Variants in STK10 observed in about 807,000 individuals in gnomAD.
STK10 encodes serine/threonine kinase 10.
In STK10, 78 loss-of-function variants were observed where a neutral mutation model predicts 113.8. That is an observed-to-expected ratio of 0.69 (90% CI 0.57 to 0.83). The LOEUF is 0.83. STK10 is among the 40% of genes least tolerant of loss of function. The pLI is 0.00. For missense variants in STK10, 1,109 were observed against 1,280.1 expected, an observed-to-expected ratio of 0.87 and a Z score of 2.04; for synonymous variants, 465 against 494.7, an observed-to-expected ratio of 0.94 and a Z score of 0.80.
intron 10 of STK10, among the ~76,000 whole-genome samples, chr5:172,089,241 C>T (rs1021689981): frequency 1.3e-5 from 2 of 152,228 alleles, no homozygotes; most frequent in Non-Finnish European, 2.9e-5. Context: ...CACTCACTAT[C>T]ATGTCACCTG....
chr5:172,101,666 AGAAG>A (rs1325439246), intron 7 of STK10, among the ~76,000 whole-genome samples: 2 of 152,172 alleles, frequency 1.3e-5, no homozygotes, highest in African/African-American at 4.8e-5. Flanking sequence ...GTGCCATGGA[AGAAG>A]GAAGAAGTAG....
intron 1 of STK10, 43 bp from the exon 2 acceptor site, chr5:172,156,831 A>G (rs760068126): frequency 2.5e-5 from 40 of 1,587,352 alleles, no homozygotes; most frequent in Non-Finnish European, 3.2e-5. Flanking sequence ...CATGCTCCGC[A>G]GGAAACTGAC....
At chr5:172,159,183 C>T (rs1190083977) in intron 1 of STK10, among the ~76,000 whole-genome samples, 1 of 152,136 alleles carries the variant, frequency 6.6e-6, no homozygotes, top group Non-Finnish European at 1.5e-5. Context: ...CCTGCGAGGA[C>T]GTTGGTGGGG....
At chr5:172,160,981 G>C (rs1770458761) in intron 1 of STK10, among the ~76,000 whole-genome samples, 1 of 152,120 alleles carries the variant, frequency 6.6e-6, no homozygotes, top group Non-Finnish European at 1.5e-5. Flanking sequence ...GAGCACTACT[G>C]GGCCAGCCCT....
chr5:172,175,672 T>C (rs1434193077), intron 1 of STK10, among the ~76,000 whole-genome samples: 3 of 152,136 alleles, frequency 2.0e-5, no homozygotes, highest in African/African-American at 7.2e-5. Context: ...AAGGGTGACA[T>C]TCCTGGGCAC....
At position 172,093,439 on chromosome 5, in the gene STK10, G is replaced by C. The variant is rs766354504; in HGVS notation, c.1527C>G (p.Asn509Lys). Residue 509 changes from asparagine (N) to lysine (K), a missense_variant, in exon 9 of 19, where the codon AAC becomes AAG. Coordinates refer to ENST00000176763, the MANE Select transcript of STK10 (RefSeq NM_005990.4). This position sits in a 1 kb window ranked among gnomAD's most constrained non-coding sequence, Gnocchi z 4.1. ...TGATGGACAGAGAGCCCATCTCTTT[G>C]TTCAGCGACAGGTCAGTGGAGAGAT... ...GTNLSTDLSL[N>K]KEMGSLSIKD... 1.2e-6 allele frequency: 2 copies of C among 1,607,830 alleles called. No homozygotes were observed. Among genetic ancestry groups the C allele is most frequent in the Middle Eastern group, 1.7e-4 (1 of 6,038 alleles).
At chr5:172,097,044 A>G (rs78099706) in intron 7 of STK10, among the ~76,000 whole-genome samples, 14,273 of 152,234 alleles carry the variant, frequency 0.094, 733 homozygotes, top group East Asian at 0.12. Flanking sequence ...TGTAAAGCTC[A>G]ATGACTTTTT....
At chr5:172,079,764 G>A (rs1282865613) in intron 12 of STK10, among the ~76,000 whole-genome samples, 1 of 152,076 alleles carries the variant, frequency 6.6e-6, no homozygotes, top group East Asian at 1.9e-4. Flanking sequence ...GTTTCACCAT[G>A]TTGGCCAGGC....
intron 12 of STK10, among the ~76,000 whole-genome samples, chr5:172,065,319 G>C (rs1248736017): frequency 2.8e-5 from 4 of 144,854 alleles, no homozygotes; most frequent in Non-Finnish European, 6.0e-5. Flanking sequence ...TTTTGAGATG[G>C]AATCAAGCAA....
intron 2 of STK10, among the ~76,000 whole-genome samples, chr5:172,150,384 G>A (rs528018624): frequency 8.6e-5 from 13 of 151,720 alleles, no homozygotes; most frequent in Non-Finnish European, 1.8e-4. Flanking sequence ...GGGAAGCTGA[G>A]GCAGGAGAAT....
intron 2 of STK10, among the ~76,000 whole-genome samples, chr5:172,152,286 T>C (rs1174066126): frequency 1.3e-5 from 2 of 152,240 alleles, no homozygotes; most frequent in Non-Finnish European, 2.9e-5. Flanking sequence ...TGGACATATG[T>C]GCATTCAGAA....
chr5:172,106,401 C>CAGAAAAAAAAAA (rs1475870342), intron 6 of STK10, among the ~76,000 whole-genome samples: 16 of 53,444 alleles, frequency 3.0e-4, no homozygotes, highest in African/African-American at 8.8e-4. Context: ...GACCCTATCT[C>CAGAAAAAAAAAA]AAAAAAAAAA....
At chr5:172,150,594 G>A (rs1024717564) in intron 2 of STK10, among the ~76,000 whole-genome samples, 4 of 152,084 alleles carry the variant, frequency 2.6e-5, no homozygotes, top group South Asian at 2.1e-4. Context: ...AGCTACTTCC[G>A]GGTGTCACAT....
rs1581171241 is a variant in STK10 at position 172,132,298 on chromosome 5, A to G, written c.322-4877T>C. On this transcript the variant is annotated intron_variant, in intron 2 of 18. Coordinates refer to ENST00000176763, the MANE Select transcript of STK10 (RefSeq NM_005990.4). ...ATATTCAATAAATATGTATTATCAA[A>G]TTGTATATTAGAAATAAACATGACT... 6.6e-5 allele frequency among the ~76,000 whole-genome samples: 10 copies of G among 152,244 alleles called. No individual in the cohort carries two copies. The South Asian group carries it at 2.1e-3, about 32-fold the overall frequency.
Position 172,082,963 on chromosome 5 carries a change from T to C in STK10, c.1807A>G (p.Asn603Asp). The part of the protein sequence containing the change: ...QMHKRFEQEI[N>D]AKKKFFDTEL... ...GTCCCATCTTTTCTCGCACTCACGT[T>C]GATTTCCTGTTCAAAACGTTTATGC... The change falls in exon 11 of 19, where the codon AAC (asparagine) becomes GAC (aspartate). Residue 603 changes from asparagine to aspartate, a missense_variant and splice_region_variant. Coordinates refer to ENST00000176763, the MANE Select transcript of STK10 (RefSeq NM_005990.4). This position sits in a 1 kb window ranked among gnomAD's most constrained non-coding sequence, Gnocchi z 4.3. 1 of 1,613,466 alleles carries C rather than the reference T, an allele frequency of 6.2e-7. No individual in the cohort carries two copies. The highest frequency in any genetic ancestry group is 8.5e-7 in the Non-Finnish European group (1 of 1,179,952).
intron 1 of STK10, among the ~76,000 whole-genome samples, chr5:172,181,842 C>T (rs754999279): frequency 1.3e-5 from 2 of 151,422 alleles, no homozygotes; most frequent in East Asian, 2.0e-4. Context: ...ACTACAGATA[C>T]ATATGATTAG....
In STK10 at chr5:172,106,525, G is replaced by A. The variant is rs1219576460; in HGVS notation, c.788+95C>T. On this transcript the variant is annotated intron_variant, in intron 6 of 18. Coordinates refer to ENST00000176763, the MANE Select transcript of STK10 (RefSeq NM_005990.4). ...TTGGAGCTAGCAGCACCAGGAGAACGCTACCACTGCACCTCCCCAGCCCCG... is the reference window on the plus strand; with the variant it reads ...TTGGAGCTAGCAGCACCAGGAGAACACTACCACTGCACCTCCCCAGCCCCG... 19 of 1,328,142 alleles carry A rather than the reference G, an allele frequency of 1.4e-5. No homozygotes were observed. The Admixed American group carries it at 3.9e-4, about 27-fold the overall frequency. The allele number at this position is 1,328,142 out of a possible 1,614,324, so 82.3% of individuals were successfully genotyped here. A position where few individuals can be genotyped will look rare whatever the true frequency, so the allele number is the denominator to read the frequency against.
At chr5:172,186,938 A>G (rs1344684426) in intron 1 of STK10, among the ~76,000 whole-genome samples, 1 of 152,110 alleles carries the variant, frequency 6.6e-6, no homozygotes, top group Non-Finnish European at 1.5e-5. Flanking sequence ...CCTACAAGCT[A>G]CAGGAGCCCC....
chr5:172,054,453 G>T, intron 17 of STK10, 116 bp downstream of exon 17: 1 of 1,451,872 alleles, frequency 6.9e-7, no homozygotes, highest in East Asian at 2.3e-5. Context: ...CATCCATCCC[G>T]GGCGTGTCTG....
Sources: gnomAD v4.1 joint callset for allele counts (sites outside exome capture counted in the v4.1 genomes callset) on GRCh38, gnomAD v4.1.1 for gene constraint, Gnocchi (gnomAD v3.1) non-coding constraint, MANE v1.5 for transcripts, NCBI Gene and HGNC (gene_info 2026-07-23, HGNC 2026-07-21) for gene names.